The following LIN54 variants were observed in gnomAD, a reference collection of about 807,000 sequenced individuals.
LIN54 encodes the protein protein lin-54 homolog.
LIN54 carries 9 observed loss-of-function variants against 78.7 expected under a neutral mutation model. The ratio of observed to expected loss-of-function variants is 0.11; its 90% CI spans 0.07 to 0.20. The LOEUF is 0.20. LIN54 is among the 10% of genes least tolerant of loss of function. The pLI is 1.00. For synonymous variants in LIN54, 269 were observed against 318.4 expected, an observed-to-expected ratio of 0.84 and a Z score of 1.65; for missense variants, 573 against 889.9, an observed-to-expected ratio of 0.64 and a Z score of 4.53.
At chr4:82,989,188 A>C (rs1400180059) in intron 1 of LIN54, among the ~76,000 whole-genome samples, 1 of 151,858 alleles carries the variant, frequency 6.6e-6, no homozygotes, top group Admixed American at 6.6e-5. Flanking sequence ...ACTCTCTCTC[A>C]AGAAAAAAAA....
At chr4:82,931,270 G>A (rs968542573) in intron 11 of LIN54, 125 bp from the exon 12 acceptor site, 7 of 717,626 alleles carry the variant, frequency 9.8e-6, no homozygotes, top group Non-Finnish European at 1.6e-5. Context: ...TTAGATGGAA[G>A]TATCTCTGGC....
chr4:82,990,729 C>A (rs531670178), intron 1 of LIN54, among the ~76,000 whole-genome samples: 64 of 152,120 alleles, frequency 4.2e-4, no homozygotes, highest in African/African-American at 1.3e-3. Context: ...GTGATCCGCC[C>A]GCCTCCGCCT....
intron 4 of LIN54, among the ~76,000 whole-genome samples, chr4:82,947,235 A>ATTTTTTTT (rs34511957): frequency 0.048 from 2,110 of 44,264 alleles, 190 homozygotes; most frequent in Non-Finnish European, 0.053. Context: ...ATATATATAT[A>ATTTTTTTT]TTTTTTTTTT....
intron 8 of LIN54, 115 bp from the exon 9 acceptor site, chr4:82,937,413 TAGAGA>T (rs1727932273): frequency 1.7e-6 from 1 of 591,468 alleles, no homozygotes; most frequent in Non-Finnish European, 2.9e-6. Flanking sequence ...AATTTAAAAT[TAGAGA>T]AGTCTCCAAT....
chr4:82,965,490 A>T (rs1725129321), intron 4 of LIN54, among the ~76,000 whole-genome samples: 1 of 152,224 alleles, frequency 6.6e-6, no homozygotes, highest in Non-Finnish European at 1.5e-5. Context: ...GAGGCATAAG[A>T]GCTGAAGGAG....
At chr4:83,011,262 G>T (rs1017138751), upstream of LIN54, among the ~76,000 whole-genome samples, 13 of 152,178 alleles carry the variant, frequency 8.5e-5, no homozygotes, top group African/African-American at 3.1e-4. Flanking sequence ...TTGACAGGAT[G>T]AGCTATTTCC....
At chr4:82,945,551 T>TG (rs1443414077) in intron 5 of LIN54, among the ~76,000 whole-genome samples, 1 of 152,074 alleles carries the variant, frequency 6.6e-6, no homozygotes, top group Non-Finnish European at 1.5e-5. Flanking sequence ...TGGTGTGCAG[T>TG]GGCATGATCT....
intron 1 of LIN54, among the ~76,000 whole-genome samples, chr4:82,985,611 G>T (rs1727061206): frequency 6.6e-6 from 1 of 152,226 alleles, no homozygotes; most frequent in African/African-American, 2.4e-5. Flanking sequence ...CACAATCTCA[G>T]CTCACTGCAA....
rs370015608 is a variant in LIN54, at chr4:82,996,634, G to C, written c.-32-11758C>G. On this transcript the variant is annotated intron_variant, in intron 1 of 12. Transcript: ENST00000340417. The stretch of plus-strand genomic sequence containing the variant: ...TTGGCCAGGCTGGTCTCGAACTCTT[G>C]ACCTCATGATCCACCCATCTCAGCC... Among the ~76,000 whole-genome samples the C allele has an allele frequency of 1.6e-4, 25 of 152,050 alleles. No homozygotes were observed. The East Asian group carries it at 4.6e-3, about 28-fold the overall frequency.
intron 5 of LIN54, among the ~76,000 whole-genome samples, chr4:82,942,537 T>C (rs574051075): frequency 3.3e-5 from 5 of 152,320 alleles, no homozygotes; most frequent in South Asian, 2.1e-4. Context: ...TCAATTATAC[T>C]GAACCATTAG....
intron 1 of LIN54, among the ~76,000 whole-genome samples, chr4:82,999,485 G>A (rs993053711): frequency 2.0e-5 from 3 of 152,006 alleles, no homozygotes; most frequent in Non-Finnish European, 4.4e-5. Context: ...CTTTGGCCAG[G>A]TGTGGCCAAA....
At chr4:82,974,921 T>G (rs1479743790) in intron 3 of LIN54, among the ~76,000 whole-genome samples, 1 of 151,230 alleles carries the variant, frequency 6.6e-6, no homozygotes, top group Non-Finnish European at 1.5e-5. Flanking sequence ...GAAGCTGGAT[T>G]GGGGAAGGAA....
At chr4:83,008,608 C>G (rs556738938) in intron 1 of LIN54, among the ~76,000 whole-genome samples, 1 of 151,848 alleles carries the variant, frequency 6.6e-6, no homozygotes, top group Non-Finnish European at 1.5e-5. Context: ...GCCAAGATCG[C>G]GCCACTGCAC....
chr4:82,993,324 C>T lies in LIN54; in HGVS notation c.-32-8448G>A, dbSNP rs537337048. Among the ~76,000 whole-genome samples, 366 of 148,808 alleles carry T rather than the reference C, an allele frequency of 2.5e-3. 1 individual carries two copies. Among genetic ancestry groups the T allele is most frequent in the African/African-American group, 8.7e-3 (352 of 40,486 alleles). The stretch of plus-strand genomic sequence containing the variant: ...CTCCGCCACCTGGGTTCAAGCGGTT[C>T]TCCTGCCTCAGCCTCCCAAGTAGCT... On this transcript the variant is annotated intron_variant, in intron 1 of 12. Coordinates refer to ENST00000340417, the MANE Select transcript of LIN54 (RefSeq NM_194282.4).
At chr4:82,982,765 A>C (rs2126085287) in intron 2 of LIN54, among the ~76,000 whole-genome samples, 1 of 152,308 alleles carries the variant, frequency 6.6e-6, no homozygotes, top group Non-Finnish European at 1.5e-5. Context: ...GACAGAGGCA[A>C]ATTATAAGAT....
intron 1 of LIN54, among the ~76,000 whole-genome samples, chr4:82,993,320 G>A (rs6836270): frequency 0.27 from 39,891 of 149,168 alleles, 5,772 homozygotes; most frequent in East Asian, 0.5. Flanking sequence ...GGGTTCAAGC[G>A]GTTCTCCTGC....
rs549002485 is a variant in LIN54, at chr4:82,987,474, G to A, written c.-32-2598C>T. Among the ~76,000 whole-genome samples, 12 of 152,264 alleles carry A rather than the reference G, an allele frequency of 7.9e-5. No homozygotes were observed. The South Asian group carries it at 1.7e-3, about 21-fold the overall frequency. The stretch of plus-strand genomic sequence containing the variant: ...ATGCAGGTTTGTTACACAGGTATAC[G>A]TGTGCCATGGTGGTTTGCTACACCT... On this transcript the variant is annotated intron_variant, in intron 1 of 12. Coordinates refer to ENST00000340417, the MANE Select transcript of LIN54 (RefSeq NM_194282.4).
intron 4 of LIN54, among the ~76,000 whole-genome samples, chr4:82,954,848 C>G (rs1384558204): frequency 1.3e-5 from 2 of 152,172 alleles, no homozygotes; most frequent in African/African-American, 4.8e-5. Flanking sequence ...AGACCTTACA[C>G]CTTTCACATA....
At chr4:83,002,441 G>C (rs1260075740) in intron 1 of LIN54, among the ~76,000 whole-genome samples, 6 of 141,230 alleles carry the variant, frequency 4.2e-5, no homozygotes, top group Non-Finnish European at 7.7e-5. Context: ...GGGAGGGAGG[G>C]AGGAGGGGAG....
Sources: gnomAD v4.1 joint callset for allele counts (sites outside exome capture counted in the v4.1 genomes callset) on GRCh38, gnomAD v4.1.1 for gene constraint, MANE v1.5 for transcripts, NCBI Gene and HGNC (gene_info 2026-07-23, HGNC 2026-07-21) for gene names.